Variants in RERE observed in about 807,000 individuals in gnomAD.
The protein encoded by RERE is arginine-glutamic acid dipeptide repeats protein.
In RERE, 40 loss-of-function variants were observed where a neutral mutation model predicts 146.1. That is an observed-to-expected ratio of 0.27 (90% CI 0.21 to 0.36). The LOEUF is 0.36. Among genes scored for constraint, RERE ranks in the 10% least tolerant of loss-of-function variants. The probability of loss-of-function intolerance (pLI) is 1.00; values close to 1 mark genes in which losing one functional copy is unlikely to be tolerated. For synonymous variants in RERE, 1,003 were observed against 866.0 expected, an observed-to-expected ratio of 1.16 and a Z score of -2.78; for missense variants, 1,933 against 2,138.7, an observed-to-expected ratio of 0.90 and a Z score of 1.90.
chr1:8,728,651 C>T (rs1640020526), intron 1 of RERE, among the ~76,000 whole-genome samples: 1 of 152,176 alleles, frequency 6.6e-6, no homozygotes, highest in African/African-American at 2.4e-5. Flanking sequence ...TATACCATAA[C>T]ACCAAAAAGC....
chr1:8,453,049 T>C (rs1012506659), intron 11 of RERE, among the ~76,000 whole-genome samples: 1 of 152,082 alleles, frequency 6.6e-6, no homozygotes, highest in Non-Finnish European at 1.5e-5. Context: ...CGTGGATCAT[T>C]TGAATGTTTT....
At chr1:8,789,969 T>C (rs1641334484) in intron 1 of RERE, among the ~76,000 whole-genome samples, 1 of 152,256 alleles carries the variant, frequency 6.6e-6, no homozygotes, top group Non-Finnish European at 1.5e-5. Context: ...GCTTTTGTTC[T>C]AGAAATCTCT....
intron 1 of RERE, among the ~76,000 whole-genome samples, chr1:8,797,101 G>A (rs1434941790): frequency 3.3e-5 from 5 of 152,030 alleles, no homozygotes; most frequent in African/African-American, 9.7e-5. Context: ...AGCCAGGAAC[G>A]GTGTGGCTCA....
intron 3 of RERE, among the ~76,000 whole-genome samples, chr1:8,623,529 C>T (rs1275182334): frequency 6.6e-6 from 1 of 152,124 alleles, no homozygotes; most frequent in African/African-American, 2.4e-5. Flanking sequence ...ATCATAAAAG[C>T]ATACTGAAAA....
intron 6 of RERE, among the ~76,000 whole-genome samples, chr1:8,555,192 G>C (rs567728130): frequency 6.6e-6 from 1 of 152,320 alleles, no homozygotes; most frequent in East Asian, 1.9e-4. Context: ...TGAGAGAAGA[G>C]TTTTCCCATT....
intron 10 of RERE, among the ~76,000 whole-genome samples, chr1:8,485,837 T>C (rs887020045): frequency 3.4e-5 from 5 of 148,684 alleles, no homozygotes; most frequent in Admixed American, 1.4e-4. Context: ...TCTCGCTCTA[T>C]TGGCAGGCTG....
At position 8,749,950 on chromosome 1, in the gene RERE, G is replaced by A. The variant is rs555640107; in HGVS notation, c.-145+67210C>T. Among the ~76,000 whole-genome samples the A allele has an allele frequency of 1.3e-4, 20 of 152,216 alleles. 1 individual carries two copies. The South Asian group carries it at 3.9e-3, about 30-fold the overall frequency. ...GTGGGTAACTTGAGGCCAAGAGTTC[G>A]AGACCAAGCTGGCCCACACAGCGAA... On this transcript the variant is annotated intron_variant, in intron 1 of 22. Coordinates refer to ENST00000400908, the MANE Select transcript of RERE (RefSeq NM_001042681.2).
At chr1:8,787,559 T>C (rs1215431867) in intron 1 of RERE, among the ~76,000 whole-genome samples, 1 of 152,182 alleles carries the variant, frequency 6.6e-6, no homozygotes, top group Non-Finnish European at 1.5e-5. Flanking sequence ...CCAGGCACAG[T>C]GGCTCACACC....
intron 11 of RERE, 195 bp downstream of exon 11, chr1:8,465,730 C>G (rs1188284698): frequency 5.9e-6 from 4 of 673,538 alleles, no homozygotes; most frequent in African/African-American, 3.5e-5. Flanking sequence ...ATCTATGAAG[C>G]CTAATCTTAA....
chr1:8,749,462 T>A (rs1640487324), intron 1 of RERE, among the ~76,000 whole-genome samples: 1 of 149,476 alleles, frequency 6.7e-6, no homozygotes, highest in African/African-American at 2.5e-5. Flanking sequence ...TGTAGAGTAA[T>A]GCGCTACTTT....
intron 12 of RERE, among the ~76,000 whole-genome samples, chr1:8,416,170 A>C (rs922850401): frequency 2.0e-5 from 3 of 152,264 alleles, no homozygotes; most frequent in African/African-American, 7.2e-5. Flanking sequence ...GGCAAGGTCT[A>C]ACTAGACTGC....
intron 12 of RERE, among the ~76,000 whole-genome samples, chr1:8,388,898 C>T (rs1336972200): frequency 6.6e-6 from 1 of 152,174 alleles, no homozygotes; most frequent in African/African-American, 2.4e-5. Context: ...TTCCCACTGC[C>T]ACCTGCCCGC....
At chr1:8,813,264 A>G (rs572546440) in intron 1 of RERE, among the ~76,000 whole-genome samples, 1 of 152,184 alleles carries the variant, frequency 6.6e-6, no homozygotes, top group Non-Finnish European at 1.5e-5. Flanking sequence ...TACACTAATG[A>G]CTCACTTAAA....
At chr1:8,382,973 A>G (rs563145258) in intron 12 of RERE, among the ~76,000 whole-genome samples, 1 of 151,526 alleles carries the variant, frequency 6.6e-6, no homozygotes, top group Admixed American at 6.6e-5. Flanking sequence ...GAAACTCAGA[A>G]CTAAGTTCAC....
chr1:8,621,393 C>G (rs1646914031), intron 3 of RERE, among the ~76,000 whole-genome samples: 1 of 152,178 alleles, frequency 6.6e-6, no homozygotes, highest in African/African-American at 2.4e-5. Flanking sequence ...ATTCTAGCCT[C>G]GGTGACTGGC....
At chr1:8,442,848 C>T (rs1382730041) in intron 11 of RERE, among the ~76,000 whole-genome samples, 2 of 152,140 alleles carry the variant, frequency 1.3e-5, no homozygotes, top group Non-Finnish European at 2.9e-5. Context: ...GAAGACCAGG[C>T]TGAGAAGGTC....
chr1:8,778,492 T>C (rs986000592), intron 1 of RERE, among the ~76,000 whole-genome samples: 2 of 152,240 alleles, frequency 1.3e-5, no homozygotes, highest in South Asian at 2.1e-4. Flanking sequence ...AAAAATACTA[T>C]AGAAGACTTC....
chr1:8,404,820 G>C (rs1418604008), intron 12 of RERE, among the ~76,000 whole-genome samples: 3 of 152,144 alleles, frequency 2.0e-5, no homozygotes, highest in Non-Finnish European at 4.4e-5. Context: ...GGCTGCTCTG[G>C]GTGAGGTGAT....
intron 1 of RERE, among the ~76,000 whole-genome samples, chr1:8,660,414 G>A (rs1041159307): frequency 1.3e-5 from 2 of 152,148 alleles, no homozygotes; most frequent in Non-Finnish European, 2.9e-5. Flanking sequence ...CTTTATTATA[G>A]CACCATGAGG....
Sources: gnomAD v4.1 joint callset for allele counts (sites outside exome capture counted in the v4.1 genomes callset) on GRCh38, gnomAD v4.1.1 for gene constraint, MANE v1.5 for transcripts, NCBI Gene and HGNC (gene_info 2026-07-23, HGNC 2026-07-21) for gene names.